The following NF1 variants were observed in gnomAD, a reference collection of about 807,000 sequenced individuals.
NF1 encodes the protein neurofibromin 1, also known as neurofibromin.
Under a neutral mutation model 325.7 loss-of-function variants are expected in NF1, and 122 were observed. The observed-to-expected ratio is 0.37, with a 90% CI of 0.32 to 0.44. The LOEUF is 0.44. NF1 is among the 20% of genes least tolerant of loss of function. NF1 has a pLI of 1.00. For synonymous variants in NF1, 1,091 were observed against 1,186.0 expected, an observed-to-expected ratio of 0.92 and a Z score of 1.65; for missense variants, 2,140 against 3,415.4, an observed-to-expected ratio of 0.63 and a Z score of 9.31.
chr17:31,350,041 A>AT, intron 49 of NF1, 142 bp from the exon 50 acceptor site: 1 of 828,022 alleles, frequency 1.2e-6, no homozygotes, highest in Non-Finnish European at 2.0e-6. Flanking sequence ...CTCTCTGTAT[A>AT]TTTCACATTT....
In NF1 at chr17:31,303,923, C is replaced by A. The variant is rs894808675; in HGVS notation, c.4836-21897C>A. The A allele has an allele frequency of 1.8e-5, 3 of 169,184 alleles. No individual in the cohort carries two copies. In the East Asian group the frequency reaches 4.9e-4, roughly 28 times the overall value. 10.5% of individuals were successfully genotyped at this position (169,184 alleles called of 1,614,324 possible). A position where few individuals can be genotyped will look rare whatever the true frequency, so the allele number is the denominator to read the frequency against. ...AAATGGAAACATAAAAGTTTATTCACCATAATTTTATACACAGCTTTTCAG... is the reference window on the plus strand; with the variant it reads ...AAATGGAAACATAAAAGTTTATTCAACATAATTTTATACACAGCTTTTCAG... On this transcript the variant is annotated intron_variant, in intron 36 of 57. Coordinates refer to ENST00000358273, the MANE Select transcript of NF1 (RefSeq NM_001042492.3).
rs960075593 is a variant in NF1 at position 31,173,896 on chromosome 17, G to A, written c.586+3899G>A. Among the ~76,000 whole-genome samples the A allele has an allele frequency of 5.3e-5, 8 of 152,208 alleles. No homozygotes were observed. The South Asian group carries it at 1.4e-3, about 28-fold the overall frequency. On this transcript the variant is annotated intron_variant, in intron 5 of 57. Transcript: ENST00000358273. ...AAGATGTCATAAAGGTAAAGTTGTTGCTAAAGAGCACTGTGAAGAGTAATG... is the reference window on the plus strand; with the variant it reads ...AAGATGTCATAAAGGTAAAGTTGTTACTAAAGAGCACTGTGAAGAGTAATG...
rs187210238 is a variant in NF1, at chr17:31,219,371, G to A, written c.1641+253G>A. Reference sequence around the variant, plus strand: ...AGTTCGAGATTTTCTAATTGCAGTTGACTTTAAAATTTTTAAAAATATTAT... The same window carrying A: ...AGTTCGAGATTTTCTAATTGCAGTTAACTTTAAAATTTTTAAAAATATTAT... On this transcript the variant is annotated intron_variant, in intron 14 of 57. Transcript: ENST00000358273. The A allele has an allele frequency of 5.3e-3, 1,068 of 202,802 alleles. 11 individuals carry two copies. Among genetic ancestry groups the A allele is most frequent in the Middle Eastern group, 8.8e-3 (5 of 568 alleles). 12.6% of individuals were successfully genotyped at this position (202,802 alleles called of 1,614,324 possible). A position where few individuals can be genotyped will look rare whatever the true frequency, so the allele number is the denominator to read the frequency against.
chr17:31,228,122 T>C (rs956249115), intron 20 of NF1, among the ~76,000 whole-genome samples: 4 of 152,250 alleles, frequency 2.6e-5, no homozygotes, highest in African/African-American at 9.6e-5. Flanking sequence ...AGGAATGTCT[T>C]AGGCAGTAGA....
In NF1 at chr17:31,159,013, A is replaced by G; in HGVS notation, c.208A>G (p.Ile70Val). ...TILKNVNNMR[I>V]FGEAAEKNLY... The stretch of plus-strand genomic sequence containing the variant: ...TTCTGAATATCTTTTCTGTTAGAGA[A>G]TATTTGGAGAAGCTGCTGAAAAAAA... Residue 70 changes from isoleucine (I) to valine (V), a missense_variant, in exon 3 of 58, where the codon ATA (isoleucine) becomes GTA (valine). Ile to Val is a conservative substitution (Grantham distance 29, BLOSUM62 3). This residue lies in a region of NF1 where 246 missense variants were observed against 347.8 expected (regional missense o/e 0.71). Coordinates refer to ENST00000358273, the MANE Select transcript of NF1 (RefSeq NM_001042492.3). The G allele has an allele frequency of 6.4e-7, 1 of 1,563,212 alleles. No individual in the cohort carries two copies. The highest frequency in any genetic ancestry group is 8.8e-7 in the Non-Finnish European group (1 of 1,133,910).
intron 5 of NF1, among the ~76,000 whole-genome samples, chr17:31,174,693 A>G (rs1597649817): frequency 6.6e-6 from 1 of 152,218 alleles, no homozygotes; most frequent in African/African-American, 2.4e-5. Context: ...GTAACCTTAG[A>G]CACACAGTTT....
At chr17:31,315,412 T>C (rs7502556) in intron 36 of NF1, among the ~76,000 whole-genome samples, 70,475 of 151,972 alleles carry the variant, frequency 0.46, 19,605 homozygotes, top group Non-Finnish European at 0.62. Context: ...TGTAATTGGA[T>C]CCTTTGTAAC....
At chr17:31,202,713 T>C (rs2066551746) in intron 11 of NF1, among the ~76,000 whole-genome samples, 1 of 152,138 alleles carries the variant, frequency 6.6e-6, no homozygotes, top group African/African-American at 2.4e-5. Flanking sequence ...TGAGTTAAAT[T>C]GTAGGTAAAA....
intron 3 of NF1, among the ~76,000 whole-genome samples, chr17:31,161,076 C>T (rs1036056167): frequency 2.7e-4 from 41 of 152,014 alleles, no homozygotes; most frequent in African/African-American, 9.7e-4. Context: ...TTAAGAAGAA[C>T]GGAGCTCACA....
chr17:31,365,298 G>A (rs201809139), intron 57 of NF1, among the ~76,000 whole-genome samples: 1,921 of 99,776 alleles, frequency 0.019, 44 homozygotes, highest in African/African-American at 0.088. Context: ...AAAAAAAAAA[G>A]AAGGAAAGAA....
rs1031674399 is a variant in NF1 at position 31,375,060 on chromosome 17, A to C, written c.*905A>C. On this transcript the variant is annotated 3_prime_UTR_variant, in exon 58 of 58. Coordinates refer to ENST00000358273, the MANE Select transcript of NF1 (RefSeq NM_001042492.3). ...CCCCTCCCCCTCTTCTTTCCTAACT[A>C]ATTCTGAGCAGGGTAATCAGTGAAC... The C allele has an allele frequency of 1.4e-5, 3 of 211,206 alleles. No homozygotes were observed. The highest frequency in any genetic ancestry group is 6.8e-5 in the African/African-American group (3 of 44,140). 13.1% of individuals were successfully genotyped at this position (211,206 alleles called of 1,614,324 possible). A position where few individuals can be genotyped will look rare whatever the true frequency, so the allele number is the denominator to read the frequency against.
At chr17:31,164,582 A>G (rs868842905) in intron 4 of NF1, among the ~76,000 whole-genome samples, 5 of 152,358 alleles carry the variant, frequency 3.3e-5, no homozygotes, top group Admixed American at 6.5e-5. Flanking sequence ...TCAGTGTTGT[A>G]CGAACAGTGG....
chr17:31,105,287 A>G (rs998243693), intron 1 of NF1, among the ~76,000 whole-genome samples: 13 of 152,258 alleles, frequency 8.5e-5, no homozygotes, highest in African/African-American at 2.9e-4. Context: ...TCCTACTAAA[A>G]TGAAGAATTG....
chr17:31,320,784 C>T (rs3785955), intron 36 of NF1, among the ~76,000 whole-genome samples: 76,185 of 151,984 alleles, frequency 0.5, 20,854 homozygotes, highest in Non-Finnish European at 0.62. Context: ...CATGATTCTT[C>T]CACAAAAAGA....
At chr17:31,330,559 CTTTCA>C in intron 39 of NF1, 61 bp downstream of exon 39, 1 of 1,295,326 alleles carries the variant, frequency 7.7e-7, no homozygotes, top group Non-Finnish European at 1.1e-6. Context: ...AAAGAAAACC[CTTTCA>C]TTTCAGAATT....
At chr17:31,365,949 T>C (rs1278269061) in intron 57 of NF1, among the ~76,000 whole-genome samples, 1 of 151,494 alleles carries the variant, frequency 6.6e-6, no homozygotes, top group African/African-American at 2.4e-5. Flanking sequence ...TTTTTTTTTT[T>C]TTTGAGATGG....
At chr17:31,159,884 T>C (rs748372508) in intron 3 of NF1, among the ~76,000 whole-genome samples, 4 of 152,144 alleles carry the variant, frequency 2.6e-5, no homozygotes, top group Non-Finnish European at 5.9e-5. Flanking sequence ...TTTGTTTTGA[T>C]TCAGAATTGC....
chr17:31,139,362 AAT>A (rs1916038368), intron 1 of NF1, among the ~76,000 whole-genome samples: 1 of 136,190 alleles, frequency 7.3e-6, no homozygotes, highest in Non-Finnish European at 1.6e-5. Context: ...TTAGATCTTA[AAT>A]GTTTTACACA....
At chr17:31,278,719 A>G (rs1488835109) in intron 36 of NF1, among the ~76,000 whole-genome samples, 1 of 150,930 alleles carries the variant, frequency 6.6e-6, no homozygotes, top group African/African-American at 2.4e-5. Context: ...GATTCAAGTG[A>G]TTCTCCTGCC....
Sources: gnomAD v4.1 joint callset for allele counts (sites outside exome capture counted in the v4.1 genomes callset) on GRCh38, gnomAD v4.1.1 for gene constraint, gnomAD v4.1.1 regional missense constraint, MANE v1.5 for transcripts, NCBI Gene and HGNC (gene_info 2026-07-23, HGNC 2026-07-21) for gene names.